GRID2: variants seen among roughly 807,000 people sequenced by gnomAD.
GRID2 encodes the protein glutamate ionotropic receptor delta type subunit 2, also known as glutamate receptor ionotropic, delta-2.
GRID2 carries 33 observed loss-of-function variants against 114.8 expected under a neutral mutation model. The ratio of observed to expected loss-of-function variants is 0.29; its 90% CI spans 0.22 to 0.38. The LOEUF is 0.38. Ranked by LOEUF, GRID2 falls within the 10% of genes least tolerant of loss-of-function variation. The probability of loss-of-function intolerance (pLI) is 1.00; values close to 1 mark genes in which losing one functional copy is unlikely to be tolerated. For missense variants in GRID2, 1,184 were observed against 1,257.7 expected (o/e 0.94, Z 0.89); for synonymous variants, 505 against 449.9 (o/e 1.12, Z -1.55).
At chr4:92,309,838 G>T (rs73839282) in intron 1 of GRID2, among the ~76,000 whole-genome samples, 1,572 of 151,918 alleles carry the variant, frequency 0.01, 23 homozygotes, top group African/African-American at 0.036. Context: ...ACACCTGGAA[G>T]GATGCAAGTG....
intron 8 of GRID2, among the ~76,000 whole-genome samples, chr4:93,239,331 A>G (rs987148086): frequency 2.2e-5 from 3 of 133,714 alleles, no homozygotes; most frequent in Non-Finnish European, 4.7e-5. Flanking sequence ...TGGATTTGCT[A>G]TCTATCTATC....
intron 2 of GRID2, among the ~76,000 whole-genome samples, chr4:92,819,752 C>A (rs1741151183): frequency 6.6e-6 from 1 of 152,094 alleles, no homozygotes. Flanking sequence ...ATTTTTTGCT[C>A]AGATGCTTAA....
At chr4:92,583,519 C>T (rs1275990231) in intron 1 of GRID2, among the ~76,000 whole-genome samples, 1 of 151,864 alleles carries the variant, frequency 6.6e-6, no homozygotes, top group African/African-American at 2.4e-5. Flanking sequence ...AACCCTATTT[C>T]ATGCCTGCAA....
chr4:93,599,711 C>A (rs1265657211), intron 13 of GRID2, among the ~76,000 whole-genome samples: 1 of 152,066 alleles, frequency 6.6e-6, no homozygotes, highest in African/African-American at 2.4e-5. Flanking sequence ...GAGATATGAC[C>A]CTTGAGAGAA....
In GRID2 at chr4:92,647,632, A is replaced by T. The variant is rs145472058; in HGVS notation, c.244+57346A>T. Among the ~76,000 whole-genome samples the T allele has an allele frequency of 2.8e-3, 413 of 149,864 alleles. 22 individuals are homozygous for T. Among genetic ancestry groups the T allele is most frequent in the African/African-American group, 8.8e-3 (354 of 40,034 alleles). On this transcript the variant is annotated intron_variant, in intron 2 of 15. Coordinates refer to ENST00000282020, the MANE Select transcript of GRID2 (RefSeq NM_001510.4). The stretch of plus-strand genomic sequence containing the variant: ...TTCTGCAGAATAGTTAAAAATTTCT[A>T]TAGCATACCAACAATTTTAGATCAC...
At chr4:93,290,013 T>C (rs1033779841) in intron 8 of GRID2, among the ~76,000 whole-genome samples, 1 of 152,200 alleles carries the variant, frequency 6.6e-6, no homozygotes, top group African/African-American at 2.4e-5. Flanking sequence ...CCAGTGTATA[T>C]TAAAGTGCTT....
intron 2 of GRID2, among the ~76,000 whole-genome samples, chr4:92,791,322 C>T (rs1739580617): frequency 6.6e-6 from 1 of 151,676 alleles, no homozygotes; most frequent in Non-Finnish European, 1.5e-5. Flanking sequence ...CCTCAGATTT[C>T]CTACCTACAG....
intron 14 of GRID2, among the ~76,000 whole-genome samples, chr4:93,673,297 A>G (rs2110070885): frequency 6.6e-6 from 1 of 152,344 alleles, no homozygotes; most frequent in South Asian, 2.1e-4. Context: ...GAAAGTGGAA[A>G]AATCTACTGT....
intron 2 of GRID2, among the ~76,000 whole-genome samples, chr4:92,901,155 G>C (rs887864007): frequency 4.6e-5 from 7 of 152,108 alleles, no homozygotes; most frequent in Non-Finnish European, 1.0e-4. Flanking sequence ...TCTCCATACT[G>C]TTTTCCATAG....
chr4:93,007,940 C>T lies in GRID2; in HGVS notation c.245-77055C>T, dbSNP rs1417665839. ...CCTATAATCCCAGCTACTCAGGAGA[C>T]TGAGGCAGGAGAACTGCCCAGGAAG... On this transcript the variant is annotated intron_variant, in intron 2 of 15. Coordinates refer to ENST00000282020, the MANE Select transcript of GRID2 (RefSeq NM_001510.4). 3.3e-5 allele frequency among the ~76,000 whole-genome samples: 5 copies of T among 149,666 alleles called. No individual in the cohort carries two copies. In the East Asian group the frequency reaches 9.9e-4, roughly 30 times the overall value.
intron 14 of GRID2, among the ~76,000 whole-genome samples, chr4:93,757,026 G>A (rs565037221): frequency 6.6e-6 from 1 of 152,274 alleles, no homozygotes; most frequent in Admixed American, 6.5e-5. Flanking sequence ...GCAGTTCTCA[G>A]GAACATTTTT....
At chr4:92,399,401 G>T (rs1472146629) in intron 1 of GRID2, among the ~76,000 whole-genome samples, 10 of 152,096 alleles carry the variant, frequency 6.6e-5, no homozygotes, top group African/African-American at 2.2e-4. Flanking sequence ...CAGCCGTTGA[G>T]CTTTACCCTG....
chr4:93,578,585 G>GTTTTTTTGTTTTTT (rs1736642083), intron 13 of GRID2, among the ~76,000 whole-genome samples: 1 of 115,260 alleles, frequency 8.7e-6, no homozygotes, highest in African/African-American at 3.8e-5. Flanking sequence ...CTTGTTTTTT[G>GTTTTTTTGTTTTTT]TATTTTTTTT....
chr4:93,267,755 G>C (rs1751013942), intron 8 of GRID2, among the ~76,000 whole-genome samples: 1 of 152,160 alleles, frequency 6.6e-6, no homozygotes, highest in South Asian at 2.1e-4. Context: ...CTGGCTTTGG[G>C]AGTTCCTCCC....
chr4:93,644,618 C>T (rs1721941249), intron 14 of GRID2, among the ~76,000 whole-genome samples: 2 of 152,092 alleles, frequency 1.3e-5, no homozygotes, highest in African/African-American at 4.8e-5. Flanking sequence ...TGGTGCTAAT[C>T]AGCATGAATT....
intron 1 of GRID2, among the ~76,000 whole-genome samples, chr4:92,453,433 C>G (rs940620153): frequency 1.3e-5 from 2 of 151,936 alleles, no homozygotes; most frequent in African/African-American, 4.8e-5. Context: ...TATGGCCTCA[C>G]GTATGTATAT....
At chr4:93,762,277 A>G (rs1281516362) in intron 14 of GRID2, among the ~76,000 whole-genome samples, 2 of 152,294 alleles carry the variant, frequency 1.3e-5, no homozygotes, top group East Asian at 3.9e-4. Flanking sequence ...AACAGTATTG[A>G]GTAATGGGAC....
chr4:93,354,599 CTT>C (rs1761130407), intron 8 of GRID2, among the ~76,000 whole-genome samples: 1 of 151,216 alleles, frequency 6.6e-6, no homozygotes, highest in East Asian at 2.0e-4. Context: ...CTTTTAAACA[CTT>C]AACGTGATTT....
At chr4:92,704,860 G>GA (rs1734882840) in intron 2 of GRID2, among the ~76,000 whole-genome samples, 1 of 148,870 alleles carries the variant, frequency 6.7e-6, no homozygotes, top group Admixed American at 6.8e-5. Flanking sequence ...TTGGTAACGT[G>GA]ATAAGAGCAG....
Sources: gnomAD v4.1 joint callset for allele counts (sites outside exome capture counted in the v4.1 genomes callset) on GRCh38, gnomAD v4.1.1 for gene constraint, MANE v1.5 for transcripts, NCBI Gene and HGNC (gene_info 2026-07-23, HGNC 2026-07-21) for gene names.